CMYA5: variants seen among roughly 807,000 people sequenced by gnomAD.
CMYA5 encodes cardiomyopathy-associated protein 5.
Under a neutral mutation model 318.9 loss-of-function variants are expected in CMYA5, and 246 were observed. The observed-to-expected ratio is 0.77, with a 90% CI of 0.70 to 0.86. The LOEUF (loss-of-function observed/expected upper bound fraction) is 0.86, where lower values mean the gene tolerates loss of function less well. Among genes scored for constraint, CMYA5 ranks in the 40% least tolerant of loss-of-function variants. The pLI is 0.00. For missense variants in CMYA5, 4,589 were observed against 4,678.2 expected (o/e 0.98, Z 0.56); for synonymous variants, 1,641 against 1,729.5 (o/e 0.95, Z 1.27).
intron 7 of CMYA5, among the ~76,000 whole-genome samples, chr5:79,761,204 A>G (rs560262243): frequency 2.3e-4 from 35 of 152,336 alleles, no homozygotes; most frequent in Middle Eastern, 6.8e-3. Context: ...TTTGAAGGCA[A>G]ATGTCTTAAT....
Position 79,737,964 on chromosome 5 carries a change from C to T in CMYA5, c.9199C>T (p.Pro3067Ser). ...TLIDYNISPDPEKQKAPQKLN... is the reference protein window; with the variant it reads ...TLIDYNISPDSEKQKAPQKLN... Reference sequence around the variant, plus strand: ...GATTGATTATAACATCTCCCCAGACCCAGAAAAACAGAAAGCTCCACAGAA... The same window carrying T: ...GATTGATTATAACATCTCCCCAGACTCAGAAAAACAGAAAGCTCCACAGAA... Residue 3067 changes from proline (P) to serine (S), a missense_variant, in exon 2 of 13, where the codon CCA (proline) becomes TCA (serine). Coordinates refer to ENST00000446378, the MANE Select transcript of CMYA5 (RefSeq NM_153610.5). 2 of 1,613,088 alleles carry T rather than the reference C, an allele frequency of 1.2e-6. No individual in the cohort carries two copies. The highest frequency in any genetic ancestry group is 1.7e-6 in the Non-Finnish European group (2 of 1,179,578).
chr5:79,736,263 T>C lies in CMYA5; in HGVS notation c.7498T>C (p.Ser2500Pro). ...EIGKTQITLG[S>P]RSTELKESKA... Reference sequence around the variant, plus strand: ...AGGGAAGACACAAATTACACTTGGATCTAGATCTACTGAACTGAAAGAATC... The same window carrying C: ...AGGGAAGACACAAATTACACTTGGACCTAGATCTACTGAACTGAAAGAATC... The change falls in exon 2 of 13, where the codon TCT becomes CCT. Residue 2500 changes from serine (S) to proline (P), a missense_variant. By Grantham distance (74) the Ser-to-Pro change is moderately conservative. Coordinates refer to ENST00000446378, the MANE Select transcript of CMYA5 (RefSeq NM_153610.5). 1 of 1,613,364 alleles carries C rather than the reference T, an allele frequency of 6.2e-7. No individual in the cohort carries two copies.
In CMYA5 at chr5:79,738,528, CA is replaced by C; in HGVS notation, c.9767del (p.Lys3256ArgfsTer21). 1 of 1,613,292 alleles carries C rather than the reference CA, an allele frequency of 6.2e-7. No homozygotes were observed. Reference protein sequence around the residue: ...DDILHDTSLTQKDQGQGLEEK... With the variant: ...DDILHDTSLTXKDQGQGLEEK... Reference sequence around the variant, plus strand: ...CATTCTCCATGACACATCTCTAACTCAAAAGGACCAGGGCCAAGGTCTGGAA... The same window carrying C: ...CATTCTCCATGACACATCTCTAACTCAAAGGACCAGGGCCAAGGTCTGGAA... On this transcript the variant is annotated frameshift_variant, in exon 2 of 13. Transcript: ENST00000446378. LOFTEE classifies it high-confidence loss of function.
intron 1 of CMYA5, among the ~76,000 whole-genome samples, chr5:79,718,835 G>A (rs1827567679): frequency 6.6e-6 from 1 of 152,102 alleles, no homozygotes. Context: ...ACTCACCATT[G>A]CATTACAGCT....
In CMYA5 at chr5:79,770,909, G is replaced by A. The variant is rs74337242; in HGVS notation, c.11555+7700G>A. Among the ~76,000 whole-genome samples, 591 of 152,156 alleles carry A rather than the reference G, an allele frequency of 3.9e-3. 4 individuals are homozygous for A. The highest frequency in any genetic ancestry group is 9.9e-3 in the African/African-American group (411 of 41,518). On this transcript the variant is annotated intron_variant, in intron 9 of 12. Transcript: ENST00000446378. ...ATCAAAGGATGAATTAATATCGGGTGGGGGACGTTTTGGTGGGATGTAGGC... is the reference window on the plus strand; with the variant it reads ...ATCAAAGGATGAATTAATATCGGGTAGGGGACGTTTTGGTGGGATGTAGGC...
At chr5:79,722,543 G>A (rs911116123) in intron 1 of CMYA5, among the ~76,000 whole-genome samples, 12 of 151,948 alleles carry the variant, frequency 7.9e-5, no homozygotes, top group African/African-American at 1.9e-4. Context: ...CTGGCATGGC[G>A]GCGCATGCCT....
rs538245298 is a variant in CMYA5, at chr5:79,732,064, C to A, written c.3299C>A (p.Ser1100Ter). The A allele has an allele frequency of 3.9e-5, 63 of 1,613,970 alleles. No individual in the cohort carries two copies. Among genetic ancestry groups the A allele is most frequent in the Non-Finnish European group, 5.0e-5 (59 of 1,179,880 alleles). Residue 1100 changes from serine to a stop codon, truncating the protein, a stop_gained, in exon 2 of 13, where the codon TCA (serine) becomes TAA (stop). Coordinates refer to ENST00000446378, the MANE Select transcript of CMYA5 (RefSeq NM_153610.5). LOFTEE classifies it high-confidence loss of function. ...AEIKPEIPTTSTSVSEYLILA... is the reference protein window; with the variant it reads ...AEIKPEIPTT Reference sequence around the variant, plus strand: ...ATTAAGCCAGAGATTCCAACAACCTCAACATCTGTATCTGAATATCTCATT... The same window carrying A: ...ATTAAGCCAGAGATTCCAACAACCTAAACATCTGTATCTGAATATCTCATT...
At chr5:79,703,968 T>A (rs1444956540) in intron 1 of CMYA5, among the ~76,000 whole-genome samples, 2 of 152,094 alleles carry the variant, frequency 1.3e-5, no homozygotes, top group Admixed American at 6.6e-5. Flanking sequence ...GATGCGCACC[T>A]GTAGTCCCAG....
intron 1 of CMYA5, among the ~76,000 whole-genome samples, chr5:79,714,431 CTTTTTT>C (rs71615553): frequency 9.9e-6 from 1 of 100,678 alleles, no homozygotes; most frequent in Non-Finnish European, 1.9e-5. Flanking sequence ...TTTTCTTTTT[CTTTTTT>C]TTTTTTTTTT....
intron 9 of CMYA5, among the ~76,000 whole-genome samples, chr5:79,778,811 C>CTGTGTGTGTGTGTGTGTATGTG (rs1828992858): frequency 2.4e-5 from 2 of 85,014 alleles, no homozygotes; most frequent in Non-Finnish European, 4.1e-5. Flanking sequence ...CTCTCTCTTT[C>CTGTGTGTGTGTGTGTGTATGTG]TGTGTGTGTG....
intron 5 of CMYA5, among the ~76,000 whole-genome samples, chr5:79,748,744 A>G: frequency 6.6e-6 from 1 of 152,188 alleles, no homozygotes; most frequent in Middle Eastern, 3.4e-3. Flanking sequence ...GAGTTTTGTC[A>G]TGTTGCCCAG....
intron 9 of CMYA5, among the ~76,000 whole-genome samples, chr5:79,768,726 A>G (rs1828801375): frequency 6.6e-6 from 1 of 151,814 alleles, no homozygotes; most frequent in African/African-American, 2.4e-5. Flanking sequence ...TGTCCTTAAC[A>G]TTGTTTCCTT....
chr5:79,790,776 C>T (rs1412687372), intron 10 of CMYA5, among the ~76,000 whole-genome samples, 194 bp from the exon 11 acceptor site: 3 of 152,062 alleles, frequency 2.0e-5, no homozygotes, highest in East Asian at 1.9e-4. Flanking sequence ...TATGGCACCA[C>T]GTAGAGGTAA....
chr5:79,706,483 A>T (rs1458941625), intron 1 of CMYA5, among the ~76,000 whole-genome samples: 2 of 152,222 alleles, frequency 1.3e-5, no homozygotes, highest in South Asian at 2.1e-4. Context: ...AACCGGTTAG[A>T]CCAGAAATTC....
intron 1 of CMYA5, among the ~76,000 whole-genome samples, chr5:79,720,427 A>ATTTTTTTTTTTTTTTTTTTTTTTTTTT (rs1827600043): frequency 7.3e-6 from 1 of 136,806 alleles, no homozygotes; most frequent in South Asian, 2.2e-4. Context: ...CTGCCAATCT[A>ATTTTTTTTTTTTTTTTTTTTTTTTTTT]ATTTTTTTTT....
intron 9 of CMYA5, among the ~76,000 whole-genome samples, chr5:79,772,557 C>A (rs1412173270): frequency 6.6e-6 from 1 of 152,172 alleles, no homozygotes; most frequent in African/African-American, 2.4e-5. Flanking sequence ...TTATTGGCCA[C>A]AAATTACTAT....
chr5:79,720,428 ATT>A (rs1159659122), intron 1 of CMYA5, among the ~76,000 whole-genome samples: 18 of 44,844 alleles, frequency 4.0e-4, no homozygotes, highest in African/African-American at 1.3e-3. Context: ...TGCCAATCTA[ATT>A]TTTTTTTTTT....
intron 8 of CMYA5, 44 bp downstream of exon 8, chr5:79,762,001 G>C: frequency 6.3e-7 from 1 of 1,576,192 alleles, no homozygotes; most frequent in Non-Finnish European, 8.6e-7. Flanking sequence ...ACAACGCTCA[G>C]TTCTTCACAG....
In CMYA5 at chr5:79,737,285, A is replaced by G. The variant is rs1449878924; in HGVS notation, c.8520A>G (p.Glu2840=). 4 of 1,613,854 alleles carry G rather than the reference A, an allele frequency of 2.5e-6. No individual in the cohort carries two copies. Among genetic ancestry groups the G allele is most frequent in the Non-Finnish European group, 3.4e-6 (4 of 1,179,820 alleles). ...AGAAAAAAGAAATGCCACGATCAGA[A>G]TTGACTCCAGAAAGGCATACAGTTC... ...AVKKKEMPRS[E]LTPERHTVHT... is the part of the protein sequence containing the mutation. Residue 2840 remains glutamate (E), a synonymous_variant, in exon 2 of 13, where the codon GAA becomes GAG. Coordinates refer to ENST00000446378, the MANE Select transcript of CMYA5 (RefSeq NM_153610.5).
Sources: allele counts gnomAD v4.1 joint callset (sites outside exome capture counted in the v4.1 genomes callset), GRCh38; gene constraint gnomAD v4.1.1; transcripts MANE v1.5; gene names NCBI Gene and HGNC (gene_info 2026-07-23, HGNC 2026-07-21).